ABCA3: variants seen among roughly 807,000 people sequenced by gnomAD.
The protein encoded by ABCA3 is ATP binding cassette subfamily A member 3.
A neutral mutation model predicts 172.8 loss-of-function variants in ABCA3; 88 were observed. The observed-to-expected ratio is 0.51, with a 90% CI of 0.43 to 0.61. The LOEUF is 0.61. Ranked by LOEUF, ABCA3 falls within the 20% of genes least tolerant of loss-of-function variation. The pLI is 0.00. For missense variants in ABCA3, 2,164 were observed against 2,301.0 expected (o/e 0.94, Z 1.22); for synonymous variants, 1,066 against 983.8 (o/e 1.08, Z -1.56).
In ABCA3 at chr16:2,319,213, C is replaced by T. The variant is rs373908244; in HGVS notation, c.873+368G>A. 4.6e-5 allele frequency among the ~76,000 whole-genome samples: 7 copies of T among 151,976 alleles called. No individual in the cohort carries two copies. In the East Asian group the frequency reaches 7.7e-4, roughly 17 times the overall value. ...ATATAGAAAGACCTCCGGCCGGGCA[C>T]GGTGGCTCACGCCTGTAATCCCAGC... is the stretch of plus-strand genomic sequence containing the variant. On this transcript the variant is annotated intron_variant, in intron 8 of 32. Coordinates refer to ENST00000301732, the MANE Select transcript of ABCA3 (RefSeq NM_001089.3).
Position 2,289,493 on chromosome 16 carries a change from A to T in ABCA3, c.2641T>A (p.Ser881Thr), listed in dbSNP as rs773488445. 7.5e-6 allele frequency: 12 copies of T among 1,591,720 alleles called. No individual in the cohort carries two copies. The highest frequency in any genetic ancestry group is 1.0e-5 in the Non-Finnish European group (12 of 1,170,654). Residue 881 changes from serine to threonine, a missense_variant, in exon 20 of 33, where the codon TCC (serine) becomes ACC (threonine). Around this residue, in one of 3 missense-constraint regions of ABCA3, gnomAD observed 1,343 missense variants for 1,369.6 expected, o/e 0.98. Coordinates refer to ENST00000301732, the MANE Select transcript of ABCA3 (RefSeq NM_001089.3). ...TCGATGAGGGCTCCAATGCCGTCGG[A>T]GGGGTCCATGGCCCCACAGAGGTTG... ...DSNLCGAMDP[S>T]DGIGALIEEE... is the part of the protein sequence containing the mutation.
chr16:2,285,654 G>C lies in ABCA3; in HGVS notation c.3279-8C>G, dbSNP rs750840099. On this transcript the variant is annotated splice_polypyrimidine_tract_variant and splice_region_variant and intron_variant, in intron 22 of 32. Transcript: ENST00000301732. The surrounding 1 kb of genome is among the most constrained non-coding windows in gnomAD (Gnocchi z 4.7). Reference sequence around the variant, plus strand: ...TCGAATCCCTTCCGGCCCCTGCGGGGGACAGAGAAGGTCAGGGACGGAGCA... The same window carrying C: ...TCGAATCCCTTCCGGCCCCTGCGGGCGACAGAGAAGGTCAGGGACGGAGCA... 1 of 1,551,602 alleles carries C rather than the reference G, an allele frequency of 6.4e-7. No homozygotes were observed. Among genetic ancestry groups the C allele is most frequent in the East Asian group, 2.4e-5 (1 of 40,930 alleles).
chr16:2,278,533 C>T lies in ABCA3; in HGVS notation c.4548-75G>A, dbSNP rs575544711. The T allele has an allele frequency of 3.9e-5, 61 of 1,562,446 alleles. No homozygotes were observed. The highest frequency in any genetic ancestry group is 2.8e-4 in the African/African-American group (21 of 74,176). ...TGGCTCCCATGTCCCAGTGGAGGCCCGTGTCCCAGCAGCGGCCCACACCCA... is the reference window on the plus strand; with the variant it reads ...TGGCTCCCATGTCCCAGTGGAGGCCTGTGTCCCAGCAGCGGCCCACACCCA... On this transcript the variant is annotated intron_variant, in intron 29 of 32. Coordinates refer to ENST00000301732, the MANE Select transcript of ABCA3 (RefSeq NM_001089.3). The surrounding 1 kb of genome is among the most constrained non-coding windows in gnomAD (Gnocchi z 4.4).
intron 10 of ABCA3, among the ~76,000 whole-genome samples, chr16:2,310,678 G>T (rs761818019): frequency 6.6e-6 from 1 of 151,604 alleles, no homozygotes; most frequent in Non-Finnish European, 1.5e-5. Context: ...CACCGGGCCA[G>T]GCTAATGTTT....
Position 2,277,736 on chromosome 16 carries a change from G to A in ABCA3, c.4910-66C>T, listed in dbSNP as rs2093648677. The A allele has an allele frequency of 1.2e-6, 2 of 1,602,282 alleles. No homozygotes were observed. The highest frequency in any genetic ancestry group is 8.5e-7 in the Non-Finnish European group (1 of 1,172,790). On this transcript the variant is annotated intron_variant, in intron 31 of 32. Coordinates refer to ENST00000301732, the MANE Select transcript of ABCA3 (RefSeq NM_001089.3). This position sits in a 1 kb window ranked among gnomAD's most constrained non-coding sequence, Gnocchi z 5.3. The stretch of plus-strand genomic sequence containing the variant: ...GGAGGATCGGGGAGGGTGCCTGGGT[G>A]CTCAGCACTGGAGTCCTCGTCCCAG...
At chr16:2,296,505 GA>G (rs1461721300) in intron 17 of ABCA3, among the ~76,000 whole-genome samples, 1 of 152,222 alleles carries the variant, frequency 6.6e-6, no homozygotes, top group East Asian at 1.9e-4. Context: ...AAAGTGCTGG[GA>G]TTATAGGCGG....
intron 10 of ABCA3, among the ~76,000 whole-genome samples, chr16:2,315,176 C>T (rs966888553): frequency 2.0e-5 from 3 of 151,072 alleles, no homozygotes; most frequent in African/African-American, 7.3e-5. Context: ...AGCCATGGTG[C>T]CCGGTCATAA....
In ABCA3 at chr16:2,302,229, A is replaced by G. The variant is rs552204965; in HGVS notation, c.1467+1740T>C. Among the ~76,000 whole-genome samples, 317 of 152,070 alleles carry G rather than the reference A, an allele frequency of 2.1e-3. 2 individuals are homozygous for G. Among genetic ancestry groups the G allele is most frequent in the Middle Eastern group, 3.4e-3 (1 of 294 alleles). ...CTGATTTCCCACTTCGCACCTCTAT[A>G]TTTCTGCGTGTGTGTCTTTAATTCC... On this transcript the variant is annotated intron_variant, in intron 12 of 32. Coordinates refer to ENST00000301732, the MANE Select transcript of ABCA3 (RefSeq NM_001089.3).
rs1413818785 is a variant in ABCA3 at position 2,317,669 on chromosome 16, C to A, written c.969G>T (p.Met323Ile). The A allele has an allele frequency of 1.2e-6, 2 of 1,614,198 alleles. No individual in the cohort carries two copies. The highest frequency in any genetic ancestry group is 3.3e-5 in the Admixed American group (2 of 60,034). Reference sequence around the variant, plus strand: ...TCACCTTGACACAGAAGAGCAGGGTCATGAAGGAGGCGGCGATGAGGAGGA... The same window carrying A: ...TCACCTTGACACAGAAGAGCAGGGTAATGAAGGAGGCGGCGATGAGGAGGA... ...FLFLLIAASF[M>I]TLLFCVKVKP... The change falls in exon 9 of 33, where the codon ATG (methionine) becomes ATT (isoleucine). Residue 323 changes from methionine to isoleucine, a missense_variant. Physicochemically the swap from Met to Ile is conservative, Grantham distance 10 (BLOSUM62 1). Transcript: ENST00000301732.
rs371759134 is a variant in ABCA3 at position 2,323,698 on chromosome 16, C to A, written c.448-10G>T. The stretch of plus-strand genomic sequence containing the variant: ...GTAGGTGATATTTCACCTGTGGAAA[C>A]AAAGAGAAAACCAGCTGTTCCGAGA... On this transcript the variant is annotated splice_polypyrimidine_tract_variant and intron_variant, in intron 6 of 32. Coordinates refer to ENST00000301732, the MANE Select transcript of ABCA3 (RefSeq NM_001089.3). 6 of 1,614,054 alleles carry A rather than the reference C, an allele frequency of 3.7e-6. No individual in the cohort carries two copies. Among genetic ancestry groups the A allele is most frequent in the Non-Finnish European group, 5.1e-6 (6 of 1,179,968 alleles).
intron 1 of ABCA3, among the ~76,000 whole-genome samples, chr16:2,335,124 C>T (rs748150259): frequency 7.9e-5 from 12 of 151,834 alleles, no homozygotes; most frequent in Non-Finnish European, 5.9e-5. Flanking sequence ...CCACTGTGCC[C>T]GGCCCTAAAT....
At chr16:2,288,469 G>A (rs1434125052) in intron 20 of ABCA3, 140 bp from the exon 21 acceptor site, 73 of 1,040,712 alleles carry the variant, frequency 7.0e-5, no homozygotes, top group Non-Finnish European at 9.9e-5. Context: ...CTCCCAGAGC[G>A]TTGAAACGGC....
At chr16:2,306,679 G>T (rs1275471150) in intron 11 of ABCA3, among the ~76,000 whole-genome samples, 1 of 152,156 alleles carries the variant, frequency 6.6e-6, no homozygotes, top group Non-Finnish European at 1.5e-5. Flanking sequence ...AGAGCCCACA[G>T]GCCAAAGGCC....
intron 7 of ABCA3, among the ~76,000 whole-genome samples, chr16:2,323,028 T>C (rs1034592748): frequency 1.3e-5 from 2 of 152,164 alleles, no homozygotes; most frequent in Non-Finnish European, 2.9e-5. Flanking sequence ...AGAAGACATT[T>C]ATGCAGCCAA....
At position 2,276,635 on chromosome 16, in the gene ABCA3, C is replaced by G; in HGVS notation, c.*39G>C. ...GGATGTAAGATGGGCCCTGCTTGCC[C>G]GTCCTGTCCCTGCCTGATGGCGAGA... On this transcript the variant is annotated 3_prime_UTR_variant, in exon 33 of 33. Transcript: ENST00000301732. The G allele has an allele frequency of 6.2e-7, 1 of 1,607,502 alleles. No individual in the cohort carries two copies. The highest frequency in any genetic ancestry group is 8.5e-7 in the Non-Finnish European group (1 of 1,178,074).
chr16:2,308,472 G>A lies in ABCA3; in HGVS notation c.1263C>T (p.Leu421=), dbSNP rs759295613. ...SNVAMAMGAQ[L]IGKFEAKGMG... ...CACCTTTCGCCTCAAATTTCCCAAT[G>A]AGCTGGGCTCCCATTGCCATGGCGA... The change falls in exon 11 of 33, where the codon CTC becomes CTT. Residue 421 remains leucine (L), a synonymous_variant. Coordinates refer to ENST00000301732, the MANE Select transcript of ABCA3 (RefSeq NM_001089.3). The A allele has an allele frequency of 1.2e-6, 2 of 1,614,218 alleles. No homozygotes were observed. The highest frequency in any genetic ancestry group is 8.5e-7 in the Non-Finnish European group (1 of 1,180,030).
At chr16:2,318,420 G>GGCAGCCA in intron 8 of ABCA3, among the ~76,000 whole-genome samples, 1 of 152,186 alleles carries the variant, frequency 6.6e-6, no homozygotes, top group Non-Finnish European at 1.5e-5. Flanking sequence ...TGACCAATAC[G>GGCAGCCA]GCAGCCAGCA....
chr16:2,307,924 GA>G (rs1476207576), intron 11 of ABCA3, among the ~76,000 whole-genome samples: 1 of 152,132 alleles, frequency 6.6e-6, no homozygotes, highest in Non-Finnish European at 1.5e-5. Context: ...TAATAATTTT[GA>G]ATGTCTCAGG....
chr16:2,281,588 G>GCC lies in ABCA3; in HGVS notation c.4036-80_4036-79insGG. ...CGTGGAGAAGGGAGGGGCGGGGGTG[G>GCC]ATGTGGGAGGTCTGGTGGGACTAAG... is the stretch of plus-strand genomic sequence containing the variant. On this transcript the variant is annotated intron_variant, in intron 26 of 32. Coordinates refer to ENST00000301732, the MANE Select transcript of ABCA3 (RefSeq NM_001089.3). This position sits in a 1 kb window ranked among gnomAD's most constrained non-coding sequence, Gnocchi z 4.7. 7 of 517,012 alleles carry GCC rather than the reference G, an allele frequency of 1.4e-5. No homozygotes were observed. Among genetic ancestry groups the GCC allele is most frequent in the Non-Finnish European group, 2.7e-5 (7 of 260,090 alleles). 32.0% of individuals were successfully genotyped at this position (517,012 alleles called of 1,614,324 possible). A position where few individuals can be genotyped will look rare whatever the true frequency, so the allele number is the denominator to read the frequency against.
Sources: gnomAD v4.1 joint callset for allele counts (sites outside exome capture counted in the v4.1 genomes callset) on GRCh38, gnomAD v4.1.1 for gene constraint, gnomAD v4.1.1 regional missense constraint, Gnocchi (gnomAD v3.1) non-coding constraint, MANE v1.5 for transcripts, NCBI Gene and HGNC (gene_info 2026-07-23, HGNC 2026-07-21) for gene names.